The following ODAD2 variants were observed in gnomAD, a reference collection of about 807,000 sequenced individuals.
The protein encoded by ODAD2 is outer dynein arm-docking complex subunit 2.
In ODAD2, 89 loss-of-function variants were observed where a neutral mutation model predicts 106.8. The observed-to-expected ratio is 0.83, with a 90% confidence interval of 0.70 to 0.99. The LOEUF (loss-of-function observed/expected upper bound fraction) is 0.99, where lower values mean the gene tolerates loss of function less well. ODAD2 is among the 50% of genes least tolerant of loss of function. ODAD2 has a pLI of 0.00. For synonymous variants in ODAD2, 404 were observed against 436.2 expected, an observed-to-expected ratio of 0.93 and a Z score of 0.92; for missense variants, 1,168 against 1,238.5, an observed-to-expected ratio of 0.94 and a Z score of 0.85.
intron 19 of ODAD2, among the ~76,000 whole-genome samples, chr10:27,857,200 G>A (rs951729384): frequency 1.3e-5 from 2 of 152,084 alleles, no homozygotes; most frequent in Non-Finnish European, 2.9e-5. Context: ...AGATGACAAG[G>A]ATGAAGACCT....
At chr10:27,967,391 C>G (rs1245455457) in intron 9 of ODAD2, among the ~76,000 whole-genome samples, 1 of 152,182 alleles carries the variant, frequency 6.6e-6, no homozygotes, top group East Asian at 1.9e-4. Flanking sequence ...AGGACTCCCC[C>G]GTCACACTGT....
chr10:27,902,085 A>G (rs1843247280), intron 17 of ODAD2, among the ~76,000 whole-genome samples: 1 of 152,214 alleles, frequency 6.6e-6, no homozygotes, highest in Admixed American at 6.5e-5. Flanking sequence ...ATGCAAAAGA[A>G]CAGAAATGAT....
chr10:27,997,033 C>T (rs1022899694), intron 1 of ODAD2, among the ~76,000 whole-genome samples: 9 of 152,070 alleles, frequency 5.9e-5, no homozygotes, highest in African/African-American at 2.2e-4. Flanking sequence ...AGCAAAGCAG[C>T]CTTACAACAT....
intron 12 of ODAD2, among the ~76,000 whole-genome samples, chr10:27,942,818 A>C (rs1467988893): frequency 6.6e-6 from 1 of 152,180 alleles, no homozygotes; most frequent in African/African-American, 2.4e-5. Flanking sequence ...TTTATTACAT[A>C]TTTCACCATC....
At position 27,984,175 on chromosome 10, in the gene ODAD2, ACAT is replaced by A; in HGVS notation, c.682+6_682+8del. 6.3e-7 allele frequency: 1 copy of A among 1,591,438 alleles called. No individual in the cohort carries two copies. Among genetic ancestry groups the A allele is most frequent in the Non-Finnish European group, 8.6e-7 (1 of 1,164,436 alleles). On this transcript the variant is annotated splice_donor_region_variant and intron_variant, in intron 5 of 19. Coordinates refer to ENST00000305242, the MANE Select transcript of ODAD2 (RefSeq NM_018076.5). ...AATAACATAAAATGAGCCTGAGAAA[ACAT>A]CAAACCTGAGGTATATTCAATAGAT...
intron 17 of ODAD2, among the ~76,000 whole-genome samples, chr10:27,881,149 ATGTCTG>A (rs1841680154): frequency 6.6e-6 from 1 of 152,210 alleles, no homozygotes; most frequent in Non-Finnish European, 1.5e-5. Context: ...ATACAGCAAG[ATGTCTG>A]GTATATGATA....
At chr10:27,941,333 A>G (rs912143532) in intron 12 of ODAD2, among the ~76,000 whole-genome samples, 3 of 151,744 alleles carry the variant, frequency 2.0e-5, no homozygotes, top group African/African-American at 7.3e-5. Context: ...GAAAAAAAAA[A>G]AAAAAGCTGG....
At chr10:27,934,007 T>C (rs560826814) in intron 16 of ODAD2, among the ~76,000 whole-genome samples, 1 of 152,268 alleles carries the variant, frequency 6.6e-6, no homozygotes, top group Non-Finnish European at 1.5e-5. Flanking sequence ...GTTAATTGAA[T>C]CATGGGGGCA....
In ODAD2 at chr10:27,812,224, A is replaced by G. The variant is rs1451636890; in HGVS notation, c.*288T>C. 5.9e-6 allele frequency: 2 copies of G among 341,022 alleles called. No homozygotes were observed. Among genetic ancestry groups the G allele is most frequent in the Non-Finnish European group, 1.0e-5 (2 of 191,358 alleles). The allele number at this position is 341,022 out of a possible 1,614,324, so 21.1% of individuals were successfully genotyped here. A position where few individuals can be genotyped will look rare whatever the true frequency, so the allele number is the denominator to read the frequency against. ...GCCACAAATACAAAAGCATCACTGAACTAAAAATACATCATATACGTATAT... is the reference window on the plus strand; with the variant it reads ...GCCACAAATACAAAAGCATCACTGAGCTAAAAATACATCATATACGTATAT... On this transcript the variant is annotated 3_prime_UTR_variant, in exon 20 of 20. Coordinates refer to ENST00000305242, the MANE Select transcript of ODAD2 (RefSeq NM_018076.5).
At chr10:27,981,227 G>T (rs1234668600) in intron 7 of ODAD2, among the ~76,000 whole-genome samples, 1 of 152,020 alleles carries the variant, frequency 6.6e-6, no homozygotes, top group Non-Finnish European at 1.5e-5. Context: ...AGACGAAAAA[G>T]ACTTGGAAAT....
At chr10:27,993,922 T>C (rs1420349357) in intron 2 of ODAD2, among the ~76,000 whole-genome samples, 1 of 150,494 alleles carries the variant, frequency 6.6e-6, no homozygotes, top group Non-Finnish European at 1.5e-5. Flanking sequence ...TGGTAGAAAA[T>C]AGAATGCCTA....
intron 17 of ODAD2, among the ~76,000 whole-genome samples, chr10:27,864,578 A>ATGGGGAGCGAGGTGAGAG: frequency 1.3e-5 from 1 of 76,310 alleles, no homozygotes; most frequent in South Asian, 5.3e-4. Flanking sequence ...TGAGGTGAGA[A>ATGGGGAGCGAGGTGAGAG]TGGGGAGTGA....
In ODAD2 at chr10:27,935,125, G is replaced by T; in HGVS notation, c.2380C>A (p.Arg794=). The change falls in exon 16 of 20, where the codon CGG becomes AGG. Residue 794 remains arginine (R), a synonymous_variant. Coordinates refer to ENST00000305242, the MANE Select transcript of ODAD2 (RefSeq NM_018076.5). ...AGTGGTTGAATGCCACCACATTTCC[G>T]GACAATGACTCGGTTTTCACGTTCT... ...CQERENRVIV[R]KCGGIQPLVN... is the part of the protein sequence containing the mutation. The T allele has an allele frequency of 6.2e-7, 1 of 1,613,872 alleles. No homozygotes were observed. The highest frequency in any genetic ancestry group is 1.1e-5 in the South Asian group (1 of 91,064).
At chr10:27,855,984 G>A (rs1341787441) in intron 19 of ODAD2, among the ~76,000 whole-genome samples, 1 of 152,168 alleles carries the variant, frequency 6.6e-6, no homozygotes, top group Non-Finnish European at 1.5e-5. Flanking sequence ...CAGTCTTCTA[G>A]TTGATCACTT....
intron 17 of ODAD2, among the ~76,000 whole-genome samples, chr10:27,885,674 TATATATA>T (rs1341744317): frequency 0.081 from 1,294 of 15,906 alleles, 77 homozygotes; most frequent in African/African-American, 0.094. Context: ...ATATATAAAA[TATATATA>T]ATATATAATA....
At chr10:27,963,138 GC>G (rs1564554086) in intron 9 of ODAD2, among the ~76,000 whole-genome samples, 1 of 151,968 alleles carries the variant, frequency 6.6e-6, no homozygotes, top group Admixed American at 6.6e-5. Context: ...CTCCTGAGTA[GC>G]TGGACTTACA....
At chr10:27,893,779 C>T (rs1032041073) in intron 17 of ODAD2, among the ~76,000 whole-genome samples, 2 of 152,190 alleles carry the variant, frequency 1.3e-5, no homozygotes, top group African/African-American at 4.8e-5. Context: ...CTTCTAGTTC[C>T]ACTGTTTTAT....
rs547570855 is a variant in ODAD2, at chr10:27,934,170, G to T, written c.2495+840C>A. Among the ~76,000 whole-genome samples, 4 of 151,974 alleles carry T rather than the reference G, an allele frequency of 2.6e-5. No homozygotes were observed. In the South Asian group the frequency reaches 8.3e-4, roughly 32 times the overall value. Reference sequence around the variant, plus strand: ...CCTTGCCTTCCACTATAATTATGAGGCCTCCCAGCCATGTGGAACTGTGAG... The same window carrying T: ...CCTTGCCTTCCACTATAATTATGAGTCCTCCCAGCCATGTGGAACTGTGAG... On this transcript the variant is annotated intron_variant, in intron 16 of 19. Coordinates refer to ENST00000305242, the MANE Select transcript of ODAD2 (RefSeq NM_018076.5).
chr10:27,862,361 T>C, intron 18 of ODAD2, 73 bp downstream of exon 18: 1 of 1,232,398 alleles, frequency 8.1e-7, no homozygotes, highest in Non-Finnish European at 1.1e-6. Context: ...GGACTGCAAA[T>C]GCATTGTTTT....
Sources: allele counts gnomAD v4.1 joint callset (sites outside exome capture counted in the v4.1 genomes callset), GRCh38; gene constraint gnomAD v4.1.1; transcripts MANE v1.5; gene names NCBI Gene and HGNC (gene_info 2026-07-23, HGNC 2026-07-21).